The following KIF15 variants were observed in gnomAD, a reference collection of about 807,000 sequenced individuals.
KIF15 encodes the protein kinesin-like protein KIF15.
Under a neutral mutation model 190.6 loss-of-function variants are expected in KIF15, and 140 were observed. The observed-to-expected ratio is 0.73, with a 90% CI of 0.64 to 0.84. KIF15 has a LOEUF of 0.84. Ranked by LOEUF, KIF15 falls within the 40% of genes least tolerant of loss-of-function variation. KIF15 has a pLI of 0.00. For missense variants in KIF15, 1,372 were observed against 1,584.4 expected (o/e 0.87, Z 2.28); for synonymous variants, 528 against 551.3 (o/e 0.96, Z 0.59).
At chr3:44,830,117 A>C in intron 25 of KIF15, 42 bp downstream of exon 25, 1 of 1,088,154 alleles carries the variant, frequency 9.2e-7, no homozygotes, top group East Asian at 2.7e-5. Context: ...TGAGCATGGG[A>C]CACTTCACAG....
At chr3:44,839,123 C>A (rs1698466979) in intron 27 of KIF15, among the ~76,000 whole-genome samples, 1 of 152,142 alleles carries the variant, frequency 6.6e-6, no homozygotes, top group South Asian at 2.1e-4. Context: ...GTAATCCCAG[C>A]ACTTTGGGAG....
intron 6 of KIF15, chr3:44,863,052 C>T (rs1423743857): frequency 6.6e-6 from 1 of 151,976 alleles, no homozygotes; most frequent in African/African-American, 2.4e-5. Context: ...CAACTCGCGG[C>T]CCAACGCAAA....
chr3:44,838,768 TGGG>T (rs1698449876), intron 27 of KIF15, among the ~76,000 whole-genome samples: 5 of 130,862 alleles, frequency 3.8e-5, no homozygotes, highest in African/African-American at 1.5e-4. Flanking sequence ...AAAAAAAAAA[TGGG>T]GGACAGGAGG....
At chr3:44,832,500 G>A (rs984038183) in intron 26 of KIF15, among the ~76,000 whole-genome samples, 39 of 152,228 alleles carry the variant, frequency 2.6e-4, no homozygotes, top group African/African-American at 8.7e-4. Flanking sequence ...GTCAGAGTGG[G>A]CACCAAGCTT....
At chr3:44,778,242 C>T in intron 4 of KIF15, 51 bp downstream of exon 4, 1 of 1,363,120 alleles carries the variant, frequency 7.3e-7, no homozygotes, top group Non-Finnish European at 1.1e-6. Context: ...AATTATTTTC[C>T]TGTTGCTGTT....
At chr3:44,763,356 C>T (rs944655907) in intron 1 of KIF15, among the ~76,000 whole-genome samples, 2 of 152,200 alleles carry the variant, frequency 1.3e-5, no homozygotes, top group African/African-American at 4.8e-5. Flanking sequence ...GGCTGGAGTG[C>T]AGTGGTGCGA....
Position 44,805,998 on chromosome 3 carries a change from G to GTTATTTTGCTTGTCA in KIF15, c.1971+12_1971+13insTTATTTTGCTTGTCA, listed in dbSNP as rs1354389081. 6.2e-7 allele frequency: 1 copy of GTTATTTTGCTTGTCA among 1,611,622 alleles called. No homozygotes were observed. Among genetic ancestry groups the GTTATTTTGCTTGTCA allele is most frequent in the South Asian group, 1.1e-5 (1 of 90,528 alleles). ...CTGAAACACTTAAGGTAGGTCATCTGAACAATACCTCCACCTTAAATCAGT... is the reference window on the plus strand; with the variant it reads ...CTGAAACACTTAAGGTAGGTCATCTGTTATTTTGCTTGTCAAACAATACCTCCACCTTAAATCAGT... On this transcript the variant is annotated intron_variant, in intron 16 of 34. Transcript: ENST00000326047.
intron 24 of KIF15, among the ~76,000 whole-genome samples, chr3:44,829,670 AATATATGTATATATATT>A (rs1267579287): frequency 1.6e-5 from 2 of 126,940 alleles, no homozygotes; most frequent in African/African-American, 6.3e-5. Flanking sequence ...ATGTATATAT[AATATATGTATATATATT>A]ATAGATGTAT....
chr3:44,776,626 T>C (rs1455738450), intron 3 of KIF15, among the ~76,000 whole-genome samples: 1 of 152,154 alleles, frequency 6.6e-6, no homozygotes, highest in African/African-American at 2.4e-5. Context: ...TGAGAAGTAC[T>C]GTTGAACTGC....
intron 32 of KIF15, among the ~76,000 whole-genome samples, chr3:44,849,038 G>A (rs937432349): frequency 1.3e-5 from 2 of 152,148 alleles, no homozygotes; most frequent in Middle Eastern, 3.2e-3. Context: ...ACTCTTTGAT[G>A]AGCAAGGTGT....
intron 17 of KIF15, among the ~76,000 whole-genome samples, chr3:44,811,888 A>G (rs1707801646): frequency 6.6e-6 from 1 of 152,210 alleles, no homozygotes; most frequent in Admixed American, 6.5e-5. Flanking sequence ...TAGAAGTCTC[A>G]AGATGGCTCT....
intron 7 of KIF15, among the ~76,000 whole-genome samples, chr3:44,793,536 G>A (rs1706822453): frequency 4.6e-5 from 7 of 152,166 alleles, no homozygotes; most frequent in Admixed American, 4.6e-4. Context: ...TGTGGAAAGG[G>A]AACACAAAGG....
chr3:44,830,985 C>A lies in KIF15; in HGVS notation c.3138C>A (p.Thr1046=). Residue 1046 remains threonine (T), a synonymous_variant, in exon 26 of 35, where the codon ACC becomes ACA. Coordinates refer to ENST00000326047, the MANE Select transcript of KIF15 (RefSeq NM_020242.3). ...QEVDILDLKE[T]LRLRILSEDI... is the part of the protein sequence containing the mutation. The stretch of plus-strand genomic sequence containing the variant: ...TGGATATTCTGGATCTGAAAGAAAC[C>A]CTTAGGCTGAGAATACTTTCTGAGG... The A allele has an allele frequency of 6.2e-7, 1 of 1,613,880 alleles. No homozygotes were observed. The highest frequency in any genetic ancestry group is 8.5e-7 in the Non-Finnish European group (1 of 1,179,896).
chr3:44,854,446 G>A (rs899389663), downstream of KIF15, among the ~76,000 whole-genome samples: 1 of 151,528 alleles, frequency 6.6e-6, no homozygotes, highest in Non-Finnish European at 1.5e-5. Context: ...AAATTGTAAT[G>A]CATAGTTGAA....
At chr3:44,763,681 C>T (rs191228271) in intron 1 of KIF15, among the ~76,000 whole-genome samples, 10 of 151,372 alleles carry the variant, frequency 6.6e-5, no homozygotes, top group African/African-American at 1.5e-4. Context: ...GTGAAATATA[C>T]GATTCCCCCC....
chr3:44,826,009 T>G, intron 20 of KIF15, 30 bp from the exon 21 acceptor site: 1 of 1,543,452 alleles, frequency 6.5e-7, no homozygotes, highest in Non-Finnish European at 8.8e-7. Context: ...AATGTTTATT[T>G]ACCATTTTTA....
intron 19 of KIF15, among the ~76,000 whole-genome samples, chr3:44,814,179 T>G (rs1379712297): frequency 6.6e-6 from 1 of 152,248 alleles, no homozygotes; most frequent in Non-Finnish European, 1.5e-5. Flanking sequence ...TGTAGTTGTC[T>G]TAGAAGACCT....
At chr3:44,775,643 A>T (rs963913263) in intron 3 of KIF15, among the ~76,000 whole-genome samples, 1 of 151,492 alleles carries the variant, frequency 6.6e-6, no homozygotes, top group Non-Finnish European at 1.5e-5. Flanking sequence ...TTTAGTAGAG[A>T]TGGGGTTTCA....
At position 44,850,699 on chromosome 3, in the gene KIF15, A is replaced by G. The variant is rs1452225352; in HGVS notation, c.3807-1088A>G. Among the ~76,000 whole-genome samples, 3 of 152,264 alleles carry G rather than the reference A, an allele frequency of 2.0e-5. No individual in the cohort carries two copies. In the East Asian group the frequency reaches 5.8e-4, roughly 29 times the overall value. On this transcript the variant is annotated intron_variant, in intron 32 of 34. Transcript: ENST00000326047. Reference sequence around the variant, plus strand: ...GCCAACAATGAATTGGGAGAGCATCAGTGCCCTTCTCCCCAGACTGTCCTT... The same window carrying G: ...GCCAACAATGAATTGGGAGAGCATCGGTGCCCTTCTCCCCAGACTGTCCTT...
Sources: gnomAD v4.1 joint callset for allele counts (sites outside exome capture counted in the v4.1 genomes callset) on GRCh38, gnomAD v4.1.1 for gene constraint, MANE v1.5 for transcripts, NCBI Gene and HGNC (gene_info 2026-07-23, HGNC 2026-07-21) for gene names.